Variants in FSTL5 observed in about 807,000 individuals in gnomAD.
FSTL5 encodes follistatin like 5.
A neutral mutation model predicts 89.1 loss-of-function variants in FSTL5; 62 were observed. The ratio of observed to expected loss-of-function variants is 0.70; its 90% CI spans 0.57 to 0.86. The LOEUF (loss-of-function observed/expected upper bound fraction) is 0.86. FSTL5 is among the 40% of genes least tolerant of loss of function. The pLI is 0.00. For missense variants in FSTL5, 1,057 were observed against 1,001.6 expected, an observed-to-expected ratio of 1.06 and a Z score of -0.75; for synonymous variants, 383 against 346.2, an observed-to-expected ratio of 1.11 and a Z score of -1.18.
chr4:161,395,985 A>T (rs1279409854), intron 15 of FSTL5, among the ~76,000 whole-genome samples: 3 of 152,132 alleles, frequency 2.0e-5, no homozygotes, highest in Admixed American at 2.0e-4. Flanking sequence ...CACTGACCCT[A>T]GACTTGGCCA....
At chr4:161,924,054 C>T (rs1010272409) in intron 3 of FSTL5, among the ~76,000 whole-genome samples, 6 of 151,594 alleles carry the variant, frequency 4.0e-5, no homozygotes, top group African/African-American at 1.5e-4. Context: ...ATCTGATCAA[C>T]GTGTCAAAGA....
intron 3 of FSTL5, among the ~76,000 whole-genome samples, chr4:161,958,376 T>C (rs1021875176): frequency 6.6e-6 from 1 of 152,148 alleles, no homozygotes; most frequent in Non-Finnish European, 1.5e-5. Context: ...TCTTTCCATG[T>C]CTGCTGAATT....
At chr4:161,811,836 T>C (rs1730157073) in intron 4 of FSTL5, among the ~76,000 whole-genome samples, 1 of 152,124 alleles carries the variant, frequency 6.6e-6, no homozygotes, top group South Asian at 2.1e-4. Context: ...AAATATAAAC[T>C]AGAATTTATC....
chr4:161,923,686 T>G (rs1734052059), intron 3 of FSTL5, among the ~76,000 whole-genome samples: 1 of 151,814 alleles, frequency 6.6e-6, no homozygotes, highest in Non-Finnish European at 1.5e-5. Flanking sequence ...TATGAATCAG[T>G]GAAATTTTCC....
intron 4 of FSTL5, among the ~76,000 whole-genome samples, chr4:161,888,745 T>A (rs1035644403): frequency 3.9e-5 from 6 of 152,068 alleles, no homozygotes; most frequent in African/African-American, 1.4e-4. Flanking sequence ...TTCTGTCTCT[T>A]CCTCATTTAA....
In FSTL5 at chr4:161,481,095, G is replaced by C; in HGVS notation, c.1533C>G (p.Asp511Glu). ...CVWASAVNVKDKFIYVAQPTL... is the reference protein window; with the variant it reads ...CVWASAVNVKEKFIYVAQPTL... ...TTGGCTGTGCAACATAAATGAACTTGTCTTTGACATTAACAGCTGATGCCC... is the reference window on the plus strand; with the variant it reads ...TTGGCTGTGCAACATAAATGAACTTCTCTTTGACATTAACAGCTGATGCCC... The change falls in exon 13 of 16, where the codon GAC (aspartate) becomes GAG (glutamate). Residue 511 changes from aspartate (D) to glutamate (E), a missense_variant. Around this residue, in one of 3 missense-constraint regions of FSTL5, gnomAD observed 980 missense variants for 903.2 expected, o/e 1.08. Transcript: ENST00000306100. The C allele has an allele frequency of 6.2e-7, 1 of 1,612,998 alleles. No individual in the cohort carries two copies. Among genetic ancestry groups the C allele is most frequent in the Non-Finnish European group, 8.5e-7 (1 of 1,179,238 alleles).
Position 162,089,126 on chromosome 4 carries a change from T to A in FSTL5, c.126+22145A>T, listed in dbSNP as rs537560416. Among the ~76,000 whole-genome samples, 4 of 152,270 alleles carry A rather than the reference T, an allele frequency of 2.6e-5. No individual in the cohort carries two copies. In the South Asian group the frequency reaches 6.2e-4, roughly 24 times the overall value. Reference sequence around the variant, plus strand: ...CCTCTCTCTCTCTCTCACCCTCTCATGCTCTCTTGCCTTCCATGGGATGAT... The same window carrying A: ...CCTCTCTCTCTCTCTCACCCTCTCAAGCTCTCTTGCCTTCCATGGGATGAT... On this transcript the variant is annotated intron_variant, in intron 2 of 15. Transcript: ENST00000306100.
At position 162,110,819 on chromosome 4, in the gene FSTL5, T is replaced by A. The variant is rs1184895059; in HGVS notation, c.126+452A>T. On this transcript the variant is annotated intron_variant, in intron 2 of 15. Transcript: ENST00000306100. Reference sequence around the variant, plus strand: ...TATTGTGAAAATTTCTAAAAATTTCTATGGAAAGAAATCCTTTGCTAACCT... The same window carrying A: ...TATTGTGAAAATTTCTAAAAATTTCAATGGAAAGAAATCCTTTGCTAACCT... Among the ~76,000 whole-genome samples, 3 of 151,852 alleles carry A rather than the reference T, an allele frequency of 2.0e-5. No individual in the cohort carries two copies. In the East Asian group the frequency reaches 5.8e-4, roughly 29 times the overall value.
In FSTL5 at chr4:161,512,382, C is replaced by T. The variant is rs567882541; in HGVS notation, c.1313-1958G>A. On this transcript the variant is annotated intron_variant, in intron 10 of 15. Coordinates refer to ENST00000306100, the MANE Select transcript of FSTL5 (RefSeq NM_020116.5). ...GAGACAAAAAGTAATCAAATGATGA[C>T]AGAAAAAAATTCAAAGTTATGAATT... 3.6e-4 allele frequency among the ~76,000 whole-genome samples: 54 copies of T among 151,876 alleles called. 1 individual carries two copies. In the East Asian group the frequency reaches 6.0e-3, roughly 17 times the overall value.
chr4:161,613,951 T>C (rs980386648), intron 7 of FSTL5, among the ~76,000 whole-genome samples: 4 of 150,412 alleles, frequency 2.7e-5, no homozygotes, highest in African/African-American at 9.7e-5. Flanking sequence ...GTTTATTTTA[T>C]TTCGAATCAC....
intron 4 of FSTL5, among the ~76,000 whole-genome samples, chr4:161,804,399 A>G (rs1419585867): frequency 6.6e-6 from 1 of 151,802 alleles, no homozygotes; most frequent in African/African-American, 2.4e-5. Flanking sequence ...TTCATATCTT[A>G]TTTTTCTTAA....
Position 161,730,719 on chromosome 4 carries a change from A to G in FSTL5, c.727+28692T>C, listed in dbSNP as rs557041387. ...GTCCATTACCCAGAATGCAGGGTCT[A>G]CAGACCATATAGTTTGATTCAACAC... is the stretch of plus-strand genomic sequence containing the variant. On this transcript the variant is annotated intron_variant, in intron 6 of 15. Transcript: ENST00000306100. 6.6e-5 allele frequency among the ~76,000 whole-genome samples: 10 copies of G among 152,304 alleles called. No individual in the cohort carries two copies. In the South Asian group the frequency reaches 1.9e-3, roughly 28 times the overall value.
At chr4:161,530,736 C>T (rs1046462669) in intron 10 of FSTL5, among the ~76,000 whole-genome samples, 2 of 152,008 alleles carry the variant, frequency 1.3e-5, no homozygotes, top group Non-Finnish European at 1.5e-5. Context: ...ATATTCCTTA[C>T]TAAAATCATA....
At chr4:161,860,168 G>A (rs1268449877) in intron 4 of FSTL5, among the ~76,000 whole-genome samples, 1 of 151,996 alleles carries the variant, frequency 6.6e-6, no homozygotes, top group Non-Finnish European at 1.5e-5. Flanking sequence ...GGCGCCTGTA[G>A]TCCCAGCTAC....
intron 7 of FSTL5, among the ~76,000 whole-genome samples, chr4:161,611,123 CAT>C (rs201910594): frequency 0.065 from 9,336 of 143,476 alleles, 579 homozygotes; most frequent in South Asian, 0.19. Context: ...AGAAAAGATA[CAT>C]ATATATATAT....
intron 3 of FSTL5, among the ~76,000 whole-genome samples, chr4:162,020,877 A>AT (rs1171315992): frequency 1.3e-5 from 2 of 152,182 alleles, no homozygotes; most frequent in Non-Finnish European, 2.9e-5. Flanking sequence ...ATTGAACCAA[A>AT]TAATTATTGC....
intron 6 of FSTL5, among the ~76,000 whole-genome samples, chr4:161,720,597 C>T (rs1223735647): frequency 6.6e-6 from 1 of 152,086 alleles, no homozygotes; most frequent in Non-Finnish European, 1.5e-5. Context: ...ATAGCCAAGA[C>T]ATGGAGACAA....
At chr4:161,985,979 G>A (rs1395700807) in intron 3 of FSTL5, among the ~76,000 whole-genome samples, 1 of 151,990 alleles carries the variant, frequency 6.6e-6, no homozygotes, top group Admixed American at 6.6e-5. Flanking sequence ...TATTTAAGCT[G>A]CACTTTTTAT....
chr4:162,035,105 T>C (rs900678113), intron 2 of FSTL5: 1 of 152,162 alleles, frequency 6.6e-6, no homozygotes, highest in Non-Finnish European at 1.5e-5. Context: ...AATCTCTCTC[T>C]CCCTCCCTCT....
Sources: allele counts gnomAD v4.1 joint callset (sites outside exome capture counted in the v4.1 genomes callset), GRCh38; gene constraint gnomAD v4.1.1; regional missense constraint gnomAD v4.1.1; transcripts MANE v1.5; gene names NCBI Gene and HGNC (gene_info 2026-07-23, HGNC 2026-07-21).